The following HDAC9 variants were observed in gnomAD, a reference collection of about 807,000 sequenced individuals.
HDAC9 encodes the protein MEF-2 interacting transcription repressor (MITR) protein.
HDAC9 carries 41 observed loss-of-function variants against 139.4 expected under a neutral mutation model. The ratio of observed to expected loss-of-function variants is 0.29; its 90% confidence interval spans 0.23 to 0.38. The LOEUF (loss-of-function observed/expected upper bound fraction) is 0.38, where lower values mean the gene tolerates loss of function less well. HDAC9 is among the 10% of genes least tolerant of loss of function. HDAC9 has a pLI of 1.00. For synonymous variants in HDAC9, 517 were observed against 476.2 expected (o/e 1.09, Z -1.12); for missense variants, 1,147 against 1,297.0 (o/e 0.88, Z 1.78).
At chr7:18,932,813 A>T (rs527252056) in intron 22 of HDAC9, among the ~76,000 whole-genome samples, 1 of 150,342 alleles carries the variant, frequency 6.7e-6, no homozygotes, top group Non-Finnish European at 1.5e-5. Context: ...AGAAAGAAAG[A>T]TAGAAAGAAA....
chr7:18,660,238 C>T (rs999946273), intron 11 of HDAC9, among the ~76,000 whole-genome samples: 1 of 152,084 alleles, frequency 6.6e-6, no homozygotes, highest in South Asian at 2.1e-4. Context: ...ACAAAAACAG[C>T]CTTAGTCAGA....
intron 19 of HDAC9, among the ~76,000 whole-genome samples, chr7:18,831,563 G>A (rs1373440741): frequency 6.6e-6 from 1 of 151,956 alleles, no homozygotes; most frequent in African/African-American, 2.4e-5. Flanking sequence ...CTAAATATAT[G>A]GAGTTCTGTC....
Position 18,887,773 on chromosome 7 carries a change from G to A in HDAC9, c.2803+13177G>A, listed in dbSNP as rs530374210. Among the ~76,000 whole-genome samples the A allele has an allele frequency of 2.0e-5, 3 of 152,112 alleles. No individual in the cohort carries two copies. In the Middle Eastern group the frequency reaches 0.01, roughly 517 times the overall value. Reference sequence around the variant, plus strand: ...TTTCTAAAAACATTTGAAATATTTAGTTATTTTTGTTGGTTTTTATAGGAA... The same window carrying A: ...TTTCTAAAAACATTTGAAATATTTAATTATTTTTGTTGGTTTTTATAGGAA... On this transcript the variant is annotated intron_variant, in intron 22 of 25. Transcript: ENST00000686413.
At chr7:18,451,494 C>T (rs897221662) in intron 1 of HDAC9, among the ~76,000 whole-genome samples, 6 of 149,812 alleles carry the variant, frequency 4.0e-5, no homozygotes, top group Non-Finnish European at 8.9e-5. Context: ...TATTGGATTA[C>T]ATTAGATAGA....
At chr7:18,543,886 GAAAA>G (rs111903866) in intron 2 of HDAC9, among the ~76,000 whole-genome samples, 1 of 118,906 alleles carries the variant, frequency 8.4e-6, no homozygotes, top group Admixed American at 8.8e-5. Context: ...TGTATTTTAG[GAAAA>G]AAAAAAAAAA....
chr7:18,388,342 G>A (rs1378290330), intron 1 of HDAC9, among the ~76,000 whole-genome samples: 2 of 152,182 alleles, frequency 1.3e-5, no homozygotes, highest in Non-Finnish European at 2.9e-5. Context: ...GGTGTCCACA[G>A]TGAGGGCTGT....
At chr7:18,580,660 G>A (rs1413613618) in intron 2 of HDAC9, among the ~76,000 whole-genome samples, 2 of 152,080 alleles carry the variant, frequency 1.3e-5, no homozygotes, top group Non-Finnish European at 2.9e-5. Context: ...AATAACATAT[G>A]CATCACTGGC....
At chr7:18,299,133 G>C (rs1461493881) in intron 1 of HDAC9, among the ~76,000 whole-genome samples, 1 of 151,572 alleles carries the variant, frequency 6.6e-6, no homozygotes, top group Non-Finnish European at 1.5e-5. Flanking sequence ...ATTGTAAAGT[G>C]GTACATTTAA....
At chr7:18,878,581 A>G (rs77842704) in intron 22 of HDAC9, among the ~76,000 whole-genome samples, 4,841 of 152,276 alleles carry the variant, frequency 0.032, 274 homozygotes, top group East Asian at 0.15. Flanking sequence ...CTCAATAGAC[A>G]TAGAAAAGGC....
intron 22 of HDAC9, among the ~76,000 whole-genome samples, chr7:18,926,941 A>G (rs1393884277): frequency 1.3e-5 from 2 of 152,192 alleles, no homozygotes; most frequent in African/African-American, 4.8e-5. Context: ...GAATAAGCCA[A>G]TTGAAAGATT....
intron 17 of HDAC9, among the ~76,000 whole-genome samples, chr7:18,796,218 T>C (rs1792789485): frequency 6.6e-6 from 1 of 152,182 alleles, no homozygotes; most frequent in African/African-American, 2.4e-5. Context: ...AGAGGAGGTC[T>C]CTGAGATCAC....
At chr7:18,628,405 T>C (rs1781353342) in intron 6 of HDAC9, among the ~76,000 whole-genome samples, 1 of 152,142 alleles carries the variant, frequency 6.6e-6, no homozygotes, top group Non-Finnish European at 1.5e-5. Context: ...TGATAAAACA[T>C]TTAGAATAGT....
At chr7:18,592,439 T>C (rs928850521) in intron 5 of HDAC9, among the ~76,000 whole-genome samples, 1 of 152,144 alleles carries the variant, frequency 6.6e-6, no homozygotes, top group East Asian at 1.9e-4. Context: ...GCAAATCATA[T>C]ATGGATAATA....
chr7:18,135,004 C>A (rs1281204544), intron 1 of HDAC9, among the ~76,000 whole-genome samples: 1 of 152,028 alleles, frequency 6.6e-6, no homozygotes, highest in Non-Finnish European at 1.5e-5. Flanking sequence ...TGTATCTAAA[C>A]AGATCTAATT....
chr7:18,300,608 T>A (rs1039335353), intron 1 of HDAC9, among the ~76,000 whole-genome samples: 1 of 152,076 alleles, frequency 6.6e-6, no homozygotes, highest in Non-Finnish European at 1.5e-5. Context: ...CAAGAACAGA[T>A]TGACTTAGTT....
intron 1 of HDAC9, among the ~76,000 whole-genome samples, chr7:18,134,912 T>C (rs1392435158): frequency 1.3e-5 from 2 of 152,196 alleles, no homozygotes; most frequent in African/African-American, 4.8e-5. Flanking sequence ...GAATATAGCA[T>C]TGAATCAAAC....
chr7:18,390,171 G>A lies in HDAC9; in HGVS notation c.-42+99656G>A, dbSNP rs368876843. On this transcript the variant is annotated intron_variant, in intron 1 of 3. Coordinates refer to the HDAC9 transcript ENST00000413509. The stretch of plus-strand genomic sequence containing the variant: ...CATTTATTTGTTCAAAGGTTTGACC[G>A]TGATTTTCTTGGCTTTTGTTAGGAA... Among the ~76,000 whole-genome samples the A allele has an allele frequency of 2.7e-3, 413 of 152,012 alleles. 1 individual carries two copies. The highest frequency in any genetic ancestry group is 9.1e-3 in the African/African-American group (376 of 41,456).
intron 1 of HDAC9, among the ~76,000 whole-genome samples, chr7:18,465,719 C>A (rs939411854): frequency 1.3e-5 from 2 of 152,058 alleles, no homozygotes; most frequent in Admixed American, 6.6e-5. Flanking sequence ...GTCTTTATTT[C>A]TTTCCCAAAG....
intron 2 of HDAC9, among the ~76,000 whole-genome samples, chr7:18,167,648 C>T (rs1191791785): frequency 6.6e-6 from 1 of 152,142 alleles, no homozygotes; most frequent in Non-Finnish European, 1.5e-5. Flanking sequence ...TGTGCATCTC[C>T]GCATCAAGCT....
Sources: allele counts gnomAD v4.1 joint callset (sites outside exome capture counted in the v4.1 genomes callset), GRCh38; gene constraint gnomAD v4.1.1; transcripts MANE v1.5; gene names NCBI Gene and HGNC (gene_info 2026-07-23, HGNC 2026-07-21).